Variants in TMEM232 observed in about 807,000 individuals in gnomAD.
TMEM232 encodes the protein transmembrane protein 232.
Under a neutral mutation model 78.8 loss-of-function variants are expected in TMEM232, and 80 were observed. That is an observed-to-expected ratio of 1.01 (90% CI 0.85 to 1.22). The LOEUF is 1.22. TMEM232 is among the 50% of genes most tolerant of loss of function. The pLI is 0.00. For synonymous variants in TMEM232, 297 were observed against 254.3 expected (o/e 1.17, Z -1.60); for missense variants, 881 against 742.2 (o/e 1.19, Z -2.17).
chr5:110,640,950 A>G lies in TMEM232; in HGVS notation c.284T>C (p.Leu95Pro). 1 of 1,540,942 alleles carries G rather than the reference A, an allele frequency of 6.5e-7. No homozygotes were observed. Among genetic ancestry groups the G allele is most frequent in the African/African-American group, 1.4e-5 (1 of 72,760 alleles). ...TATTACTTCAGTCCATGCAGCAGGA[A>G]GATGCACATGCCTTCCAGAGCCCAG... ...KTLGSGRHVH[L>P]PAAWTEVIYL... Residue 95 changes from leucine (L) to proline (P), a missense_variant, in exon 4 of 14, where the codon CTT becomes CCT. Leu to Pro is a moderately conservative substitution (Grantham distance 98). Coordinates refer to ENST00000455884, the MANE Select transcript of TMEM232 (RefSeq NM_001039763.4).
chr5:110,416,492 TG>T (rs1185944264), downstream of TMEM232, among the ~76,000 whole-genome samples: 2 of 152,224 alleles, frequency 1.3e-5, no homozygotes, highest in African/African-American at 4.8e-5. Context: ...TGAGAGTCAC[TG>T]GCAGACACAA....
chr5:110,434,166 GA>G (rs538272943), intron 12 of TMEM232, among the ~76,000 whole-genome samples: 5,236 of 141,262 alleles, frequency 0.037, 168 homozygotes, highest in African/African-American at 0.076. Context: ...AAGAATAAAT[GA>G]AAAAAAAAAA....
intron 5 of TMEM232, among the ~76,000 whole-genome samples, chr5:110,629,975 G>A (rs943435295): frequency 6.6e-6 from 1 of 152,008 alleles, no homozygotes; most frequent in African/African-American, 2.4e-5. Flanking sequence ...TTCTCCAAAG[G>A]GGAAACAAAA....
rs369379100 is a variant in TMEM232 at position 110,603,325 on chromosome 5, T to C, written c.1276+1784A>G. Among the ~76,000 whole-genome samples the C allele has an allele frequency of 8.0e-4, 121 of 152,078 alleles. 1 individual carries two copies. In the South Asian group the frequency reaches 0.024, roughly 30 times the overall value. The stretch of plus-strand genomic sequence containing the variant: ...ATACATAAATTTAAAAATATCAGAC[T>C]GTTGAGGAGGAAAAAAATGTGAGTT... On this transcript the variant is annotated intron_variant, in intron 10 of 13. Transcript: ENST00000455884.
At chr5:110,542,053 C>G (rs1773193465) in intron 11 of TMEM232, among the ~76,000 whole-genome samples, 1 of 152,160 alleles carries the variant, frequency 6.6e-6, no homozygotes, top group Non-Finnish European at 1.5e-5. Context: ...ATACACCTTT[C>G]AAGGATCATG....
intron 11 of TMEM232, among the ~76,000 whole-genome samples, chr5:110,564,364 T>C (rs1277622556): frequency 6.6e-6 from 1 of 151,940 alleles, no homozygotes; most frequent in African/African-American, 2.4e-5. Flanking sequence ...TCATGTGTAT[T>C]TTATGAAGAA....
At chr5:110,599,135 C>T (rs755253871) in intron 10 of TMEM232, among the ~76,000 whole-genome samples, 12 of 151,998 alleles carry the variant, frequency 7.9e-5, no homozygotes, top group Non-Finnish European at 7.4e-5. Flanking sequence ...GATTTTGTCA[C>T]CATCAGGCCT....
chr5:110,629,615 T>C (rs970547660), intron 5 of TMEM232, among the ~76,000 whole-genome samples: 8 of 152,296 alleles, frequency 5.3e-5, no homozygotes, highest in South Asian at 4.1e-4. Flanking sequence ...CATTCGACCT[T>C]TACCTCCTTC....
At chr5:110,676,501 G>A (rs1001902139) in intron 1 of TMEM232, among the ~76,000 whole-genome samples, 2 of 151,624 alleles carry the variant, frequency 1.3e-5, no homozygotes, top group Non-Finnish European at 2.9e-5. Flanking sequence ...CGCCTCCTGG[G>A]CTTAAGCGAT....
intron 11 of TMEM232, among the ~76,000 whole-genome samples, chr5:110,566,813 C>T (rs973258298): frequency 7.9e-5 from 12 of 152,002 alleles, no homozygotes; most frequent in African/African-American, 2.7e-4. Context: ...TACAGCAGCA[C>T]CCCACTCTAC....
At chr5:110,556,377 CTT>C (rs1334294956) in intron 11 of TMEM232, among the ~76,000 whole-genome samples, 1 of 148,160 alleles carries the variant, frequency 6.7e-6, no homozygotes, top group African/African-American at 2.5e-5. Context: ...TCCTTCCTTC[CTT>C]TCTTTCTTTC....
At chr5:110,432,228 G>A (rs898121530) in intron 12 of TMEM232, among the ~76,000 whole-genome samples, 23 of 151,346 alleles carry the variant, frequency 1.5e-4, no homozygotes, top group African/African-American at 3.9e-4. Context: ...TAAAGGTAGC[G>A]AGCAAAAAGG....
intron 12 of TMEM232, among the ~76,000 whole-genome samples, chr5:110,442,654 C>G (rs1178831572): frequency 6.6e-6 from 1 of 151,972 alleles, no homozygotes; most frequent in African/African-American, 2.4e-5. Context: ...GCTGAAGTCA[C>G]AGTTTCCTGG....
At chr5:110,445,966 A>G (rs1465644532) in intron 12 of TMEM232, among the ~76,000 whole-genome samples, 2 of 152,178 alleles carry the variant, frequency 1.3e-5, no homozygotes, top group African/African-American at 2.4e-5. Flanking sequence ...ATTAGAAATG[A>G]ATCACTAAGT....
intron 1 of TMEM232, among the ~76,000 whole-genome samples, chr5:110,681,529 T>C (rs1792745026): frequency 6.6e-6 from 1 of 152,238 alleles, no homozygotes; most frequent in African/African-American, 2.4e-5. Context: ...TGTCAGTGAA[T>C]GATAGCCATT....
chr5:110,523,737 G>A (rs1769911632), intron 12 of TMEM232, among the ~76,000 whole-genome samples: 1 of 151,980 alleles, frequency 6.6e-6, no homozygotes, highest in East Asian at 1.9e-4. Context: ...AGAACTGCTT[G>A]AGCCCAGGAG....
In TMEM232 at chr5:110,420,708, C is replaced by A; in HGVS notation, c.1846G>T (p.Ala616Ser). ...IREKEDAICK[A>S]QELKDKKLAE... is the part of the protein sequence containing the mutation. The stretch of plus-strand genomic sequence containing the variant: ...AACTTTTTATCTTTAAGTTCTTGGG[C>A]CTTGCATATTGCATCTTCTTTTTCT... Residue 616 changes from alanine to serine, a missense_variant, in exon 14 of 14, where the codon GCC (alanine) becomes TCC (serine). Physicochemically the swap from Ala to Ser is moderately conservative, Grantham distance 99 (BLOSUM62 1). Coordinates refer to ENST00000455884, the MANE Select transcript of TMEM232 (RefSeq NM_001039763.4). The A allele has an allele frequency of 1.3e-6, 2 of 1,526,250 alleles. No individual in the cohort carries two copies. The allele number at this position is 1,526,250 out of a possible 1,614,324, so 94.5% of individuals were successfully genotyped here.
chr5:110,688,399 G>A (rs1308171087), intron 1 of TMEM232, among the ~76,000 whole-genome samples: 1 of 152,134 alleles, frequency 6.6e-6, no homozygotes, highest in Admixed American at 6.5e-5. Flanking sequence ...CAAAATTCTT[G>A]GGATTGTGGA....
intron 8 of TMEM232, among the ~76,000 whole-genome samples, chr5:110,615,913 A>C (rs1246910179): frequency 1.3e-5 from 2 of 151,992 alleles, no homozygotes; most frequent in Non-Finnish European, 2.9e-5. Flanking sequence ...AAAAAATAAA[A>C]AAAATAAAGC....
Sources: gnomAD v4.1 joint callset for allele counts (sites outside exome capture counted in the v4.1 genomes callset) on GRCh38, gnomAD v4.1.1 for gene constraint, MANE v1.5 for transcripts, NCBI Gene and HGNC (gene_info 2026-07-23, HGNC 2026-07-21) for gene names.